ACACA: variants seen among roughly 807,000 people sequenced by gnomAD.
The protein encoded by ACACA is acetyl-CoA carboxylase alpha, also known as acetyl-CoA carboxylase 1.
Under a neutral mutation model 296.1 loss-of-function variants are expected in ACACA, and 103 were observed. The ratio of observed to expected loss-of-function variants is 0.35; its 90% CI spans 0.30 to 0.41. The LOEUF (loss-of-function observed/expected upper bound fraction) is 0.41, where lower values mean the gene tolerates loss of function less well. Among genes scored for constraint, ACACA ranks in the 10% least tolerant of loss-of-function variants. ACACA has a pLI of 1.00. For missense variants in ACACA, 1,554 were observed against 2,989.7 expected, an observed-to-expected ratio of 0.52 and a Z score of 11.20; for synonymous variants, 953 against 1,038.6, an observed-to-expected ratio of 0.92 and a Z score of 1.58.
chr17:37,192,409 A>C lies in ACACA; in HGVS notation c.4201-104T>G. On this transcript the variant is annotated intron_variant, in intron 36 of 55. Transcript: ENST00000616317. The stretch of plus-strand genomic sequence containing the variant: ...ATGCCTGAAAATAGAAACATAAGCT[A>C]TGATGTGCTAATGAGCAACAAAAAT... 2.4e-5 allele frequency: 27 copies of C among 1,107,688 alleles called. No homozygotes were observed. The South Asian group carries it at 3.6e-4, about 15-fold the overall frequency. The allele number at this position is 1,107,688 out of a possible 1,614,324, so 68.6% of individuals were successfully genotyped here.
intron 1 of ACACA, among the ~76,000 whole-genome samples, chr17:37,405,612 G>A (rs1016852648): frequency 6.6e-6 from 1 of 152,118 alleles, no homozygotes; most frequent in African/African-American, 2.4e-5. Flanking sequence ...GAGTGGAATG[G>A]CAAGATCTTG....
At chr17:37,244,940 C>T (rs2145986639) in intron 20 of ACACA, 140 bp downstream of exon 20, 7 of 1,376,794 alleles carry the variant, frequency 5.1e-6, no homozygotes, top group South Asian at 4.7e-5. Flanking sequence ...ATACTACAGG[C>T]ACAAATACAA....
At chr17:37,256,393 T>C (rs1338496185) in intron 14 of ACACA, among the ~76,000 whole-genome samples, 1 of 152,100 alleles carries the variant, frequency 6.6e-6, no homozygotes, top group East Asian at 1.9e-4. Flanking sequence ...TGAGAAGAAA[T>C]GTAAAGGACA....
intron 1 of ACACA, among the ~76,000 whole-genome samples, chr17:37,356,798 C>T (rs1273414089): frequency 6.6e-6 from 1 of 152,126 alleles, no homozygotes; most frequent in African/African-American, 2.4e-5. Context: ...ATGCATTATT[C>T]CACAGTTTGT....
At chr17:37,206,680 G>A in intron 32 of ACACA, 103 bp downstream of exon 32, 1 of 958,102 alleles carries the variant, frequency 1.0e-6, no homozygotes, top group South Asian at 1.4e-5. Flanking sequence ...TGGGGTAAAA[G>A]GATGAATTCT....
intron 1 of ACACA, chr17:37,359,025 G>A: frequency 1.6e-5 from 16 of 985,868 alleles, no homozygotes; most frequent in Non-Finnish European, 1.9e-5. Context: ...GTGCGGTCGG[G>A]CGATTCCGGA....
At chr17:37,361,084 G>A (rs959393579) in intron 1 of ACACA, among the ~76,000 whole-genome samples, 5 of 149,068 alleles carry the variant, frequency 3.4e-5, no homozygotes, top group African/African-American at 1.2e-4. Flanking sequence ...TGTCGCCCAG[G>A]CTGGAGTGCC....
chr17:37,271,832 C>T (rs1227946194), intron 9 of ACACA, among the ~76,000 whole-genome samples: 3 of 150,342 alleles, frequency 2.0e-5, no homozygotes, highest in Admixed American at 6.6e-5. Context: ...ATTAGCTGGG[C>T]GTGGTACTGC....
chr17:37,148,087 T>C (rs181922244), intron 45 of ACACA, among the ~76,000 whole-genome samples: 2 of 151,924 alleles, frequency 1.3e-5, no homozygotes, highest in East Asian at 3.9e-4. Flanking sequence ...ATCATGGAAA[T>C]ATAGGTTTTT....
chr17:37,095,762 T>TA (rs2072947721), intron 54 of ACACA, among the ~76,000 whole-genome samples: 1 of 152,256 alleles, frequency 6.6e-6, no homozygotes, highest in Non-Finnish European at 1.5e-5. Context: ...AATCCATATA[T>TA]TAATTACTAA....
chr17:37,197,684 GC>G (rs1339605062), intron 35 of ACACA, among the ~76,000 whole-genome samples: 1 of 152,170 alleles, frequency 6.6e-6, no homozygotes, highest in African/African-American at 2.4e-5. Context: ...TACAGTTTCT[GC>G]CAACGCTTCC....
At position 37,183,747 on chromosome 17, in the gene ACACA, G is replaced by A. The variant is rs377506535; in HGVS notation, c.4777-2391C>T. Among the ~76,000 whole-genome samples the A allele has an allele frequency of 5.1e-4, 77 of 151,024 alleles. No homozygotes were observed. The South Asian group carries it at 9.4e-3, about 18-fold the overall frequency. On this transcript the variant is annotated intron_variant, in intron 39 of 55. Coordinates refer to ENST00000616317, the MANE Select transcript of ACACA (RefSeq NM_198834.3). ...TGCAGTGTTGCAGTGAGCCGAGATC[G>A]TGCTACTGCACTCCAGCCTGGGCGT...
chr17:37,144,535 C>A lies in ACACA; in HGVS notation c.5679+5329G>T, dbSNP rs556490333. 5.9e-5 allele frequency: 10 copies of A among 169,368 alleles called. No homozygotes were observed. In the South Asian group the frequency reaches 1.4e-3, roughly 24 times the overall value. 10.5% of individuals were successfully genotyped at this position (169,368 alleles called of 1,614,324 possible). On this transcript the variant is annotated intron_variant, in intron 45 of 55. Transcript: ENST00000616317. ...TACACAGTGCAGGTCCCTGGTGTAACAGACAATTCCCACTCCTGAGAGGAA... is the reference window on the plus strand; with the variant it reads ...TACACAGTGCAGGTCCCTGGTGTAAAAGACAATTCCCACTCCTGAGAGGAA...
At chr17:37,385,743 C>T (rs2050497523) in intron 1 of ACACA, among the ~76,000 whole-genome samples, 1 of 152,082 alleles carries the variant, frequency 6.6e-6, no homozygotes, top group African/African-American at 2.4e-5. Context: ...TAATGATAGG[C>T]AATGATATCA....
At chr17:37,320,303 G>A (rs2147112376) in intron 3 of ACACA, among the ~76,000 whole-genome samples, 1 of 152,148 alleles carries the variant, frequency 6.6e-6, no homozygotes, top group South Asian at 2.1e-4. Context: ...CCTGAGGTCA[G>A]GAGTTCGAGA....
At chr17:37,340,150 T>C (rs1426694541) in intron 1 of ACACA, among the ~76,000 whole-genome samples, 1 of 152,202 alleles carries the variant, frequency 6.6e-6, no homozygotes, top group Non-Finnish European at 1.5e-5. Context: ...AAAATTTTCA[T>C]TTCTAATATT....
chr17:37,193,465 C>G (rs760736871), intron 35 of ACACA, 50 bp from the exon 36 acceptor site: 1 of 1,384,974 alleles, frequency 7.2e-7, no homozygotes, highest in South Asian at 1.2e-5. Flanking sequence ...AGACATGGCT[C>G]TTTGAGAACA....
chr17:37,105,864 C>CAAAA (rs61529137), intron 52 of ACACA, among the ~76,000 whole-genome samples: 6 of 115,544 alleles, frequency 5.2e-5, no homozygotes, highest in Admixed American at 8.4e-5. Context: ...AACTCTGTCT[C>CAAAA]AAAAAAAAAA....
intron 24 of ACACA, among the ~76,000 whole-genome samples, chr17:37,235,879 A>C (rs2145863305): frequency 6.6e-6 from 1 of 152,300 alleles, no homozygotes; most frequent in Admixed American, 6.5e-5. Flanking sequence ...CTGAGTAGGA[A>C]AGCTATGTTT....
Sources: gnomAD v4.1 joint callset for allele counts (sites outside exome capture counted in the v4.1 genomes callset) on GRCh38, gnomAD v4.1.1 for gene constraint, MANE v1.5 for transcripts, NCBI Gene and HGNC (gene_info 2026-07-23, HGNC 2026-07-21) for gene names.